KIAA0513: variants seen among roughly 807,000 people sequenced by gnomAD.
KIAA0513 encodes KIAA0513.
Under a neutral mutation model 56.5 loss-of-function variants are expected in KIAA0513, and 39 were observed. The observed-to-expected ratio is 0.69, with a 90% confidence interval of 0.53 to 0.90. The LOEUF (loss-of-function observed/expected upper bound fraction) is 0.90. Among genes scored for constraint, KIAA0513 ranks in the 40% least tolerant of loss-of-function variants. The pLI is 0.00. For missense variants in KIAA0513, 591 were observed against 535.2 expected (o/e 1.10, Z -1.03); for synonymous variants, 268 against 215.6 (o/e 1.24, Z -2.13).
chr16:85,036,190 A>G (rs1045547766), intron 1 of KIAA0513, among the ~76,000 whole-genome samples: 2 of 152,072 alleles, frequency 1.3e-5, no homozygotes, highest in East Asian at 3.9e-4. Flanking sequence ...TATGTTTTAG[A>G]TATCATAACA....
chr16:85,088,407 A>G lies in KIAA0513; in HGVS notation c.*82A>G. On this transcript the variant is annotated 3_prime_UTR_variant, in exon 13 of 13. Transcript: ENST00000683363. Reference sequence around the variant, plus strand: ...CAGCGCCCGGCCGTCACCCCACCCGATGACCTGCATGAAGCCAGCAGCACC... The same window carrying G: ...CAGCGCCCGGCCGTCACCCCACCCGGTGACCTGCATGAAGCCAGCAGCACC... 8.2e-7 allele frequency: 1 copy of G among 1,216,556 alleles called. No homozygotes were observed. Among genetic ancestry groups the G allele is most frequent in the South Asian group, 1.2e-5 (1 of 82,120 alleles). The allele number at this position is 1,216,556 out of a possible 1,614,324, so 75.4% of individuals were successfully genotyped here. A position where few individuals can be genotyped will look rare whatever the true frequency, so the allele number is the denominator to read the frequency against.
At chr16:85,028,178 G>A (rs75164194) in intron 1 of KIAA0513, among the ~76,000 whole-genome samples, 1 of 152,228 alleles carries the variant, frequency 6.6e-6, no homozygotes, top group Non-Finnish European at 1.5e-5. Context: ...GCTGCCTGGA[G>A]GAGGCGCCCC....
chr16:85,032,395 T>A (rs529137182), intron 1 of KIAA0513, among the ~76,000 whole-genome samples: 1 of 152,238 alleles, frequency 6.6e-6, no homozygotes. Flanking sequence ...GTGCAGGGCA[T>A]GATCTCAGCT....
At chr16:85,071,613 C>A (rs1256737530) in intron 2 of KIAA0513, among the ~76,000 whole-genome samples, 170 bp from the exon 3 acceptor site, 1 of 152,204 alleles carries the variant, frequency 6.6e-6, no homozygotes, top group African/African-American at 2.4e-5. Flanking sequence ...AATAGTAACA[C>A]CCTTTCCTCA....
rs1201917865 is a variant in KIAA0513, at chr16:85,089,760, A to G, written c.*1435A>G. 1.3e-5 allele frequency: 2 copies of G among 152,042 alleles called. No individual in the cohort carries two copies. Among genetic ancestry groups the G allele is most frequent in the Non-Finnish European group, 2.9e-5 (2 of 68,008 alleles). The allele number at this position is 152,042 out of a possible 1,614,324, so 9.4% of individuals were successfully genotyped here. On this transcript the variant is annotated 3_prime_UTR_variant, in exon 13 of 13. Coordinates refer to ENST00000683363, the MANE Select transcript of KIAA0513 (RefSeq NM_001388359.1). The surrounding 1 kb of genome is among the most constrained non-coding windows in gnomAD (Gnocchi z 4.2). ...ACGCCTGAGAGTCACTTACCCGGCC[A>G]CTGCTTGGAAGGTTTCCCTCCGGGG...
chr16:85,086,934 A>C (rs763405975), intron 11 of KIAA0513, 138 bp from the exon 12 acceptor site: 8 of 877,816 alleles, frequency 9.1e-6, no homozygotes, highest in African/African-American at 1.7e-5. Flanking sequence ...GCTGGTGGCT[A>C]ATTAGGCAGC....
intron 2 of KIAA0513, among the ~76,000 whole-genome samples, chr16:85,071,123 A>C (rs1252773700): frequency 6.6e-6 from 1 of 150,592 alleles, no homozygotes; most frequent in East Asian, 2.0e-4. Context: ...AAGAGTGATG[A>C]GAAGTGGCCT....
At chr16:85,086,917 G>GAGAGTTGCTGGTGGCTAATTAGGC in intron 11 of KIAA0513, 155 bp from the exon 12 acceptor site, 1 of 837,650 alleles carries the variant, frequency 1.2e-6, no homozygotes, top group Non-Finnish European at 1.9e-6. Flanking sequence ...GTGCCACAGT[G>GAGAGTTGCTGGTGGCTAATTAGGC]AGAGTTGCTG....
intron 1 of KIAA0513, among the ~76,000 whole-genome samples, chr16:85,042,849 G>C (rs1299015854): frequency 1.3e-5 from 2 of 152,224 alleles, no homozygotes; most frequent in Non-Finnish European, 2.9e-5. Context: ...GTGGCACTCA[G>C]AGGCAGGCAG....
In KIAA0513 at chr16:85,083,239, C is replaced by T. The variant is rs552560027; in HGVS notation, c.1010+646C>T. ...CCAGCCCACAGAGGGGTCTGACTCT[C>T]TCTGTTCCCCTTTCTGTGGGCTCGA... is the stretch of plus-strand genomic sequence containing the variant. On this transcript the variant is annotated intron_variant, in intron 10 of 12. Coordinates refer to ENST00000683363, the MANE Select transcript of KIAA0513 (RefSeq NM_001388359.1). Among the ~76,000 whole-genome samples the T allele has an allele frequency of 2.0e-5, 3 of 152,334 alleles. No homozygotes were observed. In the South Asian group the frequency reaches 6.2e-4, roughly 32 times the overall value.
chr16:85,031,115 CTG>C (rs1567517273), intron 1 of KIAA0513, among the ~76,000 whole-genome samples: 4 of 152,278 alleles, frequency 2.6e-5, no homozygotes, highest in East Asian at 1.9e-4. Context: ...AGCTTGGGAA[CTG>C]TGATTTATTA....
intron 1 of KIAA0513, among the ~76,000 whole-genome samples, chr16:85,030,027 G>A (rs937370126): frequency 6.6e-6 from 1 of 152,144 alleles, no homozygotes; most frequent in Non-Finnish European, 1.5e-5. Flanking sequence ...GAAGTGGGGC[G>A]GATCCGGGTG....
At chr16:85,054,018 A>G (rs1597609128) in intron 1 of KIAA0513, among the ~76,000 whole-genome samples, 2 of 141,210 alleles carry the variant, frequency 1.4e-5, no homozygotes, top group African/African-American at 2.7e-5. Context: ...AAATTAGCTG[A>G]GTGTGGTGGC....
At chr16:85,054,951 C>G (rs948128551) in intron 1 of KIAA0513, among the ~76,000 whole-genome samples, 1 of 152,106 alleles carries the variant, frequency 6.6e-6, no homozygotes, top group Non-Finnish European at 1.5e-5. Context: ...GAGGCAGGGT[C>G]TCTCTCTGTT....
At chr16:85,032,327 A>C (rs935510589) in intron 1 of KIAA0513, among the ~76,000 whole-genome samples, 1 of 152,162 alleles carries the variant, frequency 6.6e-6, no homozygotes, top group African/African-American at 2.4e-5. Context: ...TGGGGTCCAC[A>C]CTACTCCATT....
intron 1 of KIAA0513, among the ~76,000 whole-genome samples, chr16:85,064,565 A>C (rs948129732): frequency 6.6e-6 from 1 of 152,240 alleles, no homozygotes; most frequent in African/African-American, 2.4e-5. Flanking sequence ...ACCAGTATTT[A>C]GATAGTTTTT....
chr16:85,042,759 T>C (rs925434585), intron 1 of KIAA0513, among the ~76,000 whole-genome samples: 3 of 152,232 alleles, frequency 2.0e-5, no homozygotes. Context: ...TGGCTCCCTC[T>C]CAGCAGTGCC....
At chr16:85,054,976 G>A (rs1394206568) in intron 1 of KIAA0513, among the ~76,000 whole-genome samples, 1 of 152,054 alleles carries the variant, frequency 6.6e-6, no homozygotes, top group African/African-American at 2.4e-5. Flanking sequence ...AGGCTGGAGT[G>A]CAGTGGTACA....
At chr16:85,033,720 G>T (rs981909458) in intron 1 of KIAA0513, among the ~76,000 whole-genome samples, 1 of 152,254 alleles carries the variant, frequency 6.6e-6, no homozygotes, top group Non-Finnish European at 1.5e-5. Context: ...GACTTATCTG[G>T]TGACTGGCAC....
Sources: allele counts gnomAD v4.1 joint callset (sites outside exome capture counted in the v4.1 genomes callset), GRCh38; gene constraint gnomAD v4.1.1; non-coding constraint Gnocchi (gnomAD v3.1); transcripts MANE v1.5; gene names NCBI Gene and HGNC (gene_info 2026-07-23, HGNC 2026-07-21).